AASDH: variants seen among roughly 807,000 people sequenced by gnomAD.
The protein encoded by AASDH is aminoadipate-semialdehyde dehydrogenase.
In AASDH, 81 loss-of-function variants were observed where a neutral mutation model predicts 102.3. That is an observed-to-expected ratio of 0.79 (90% CI 0.66 to 0.95). The LOEUF (loss-of-function observed/expected upper bound fraction) is 0.95. Ranked by LOEUF, AASDH falls within the 40% of genes least tolerant of loss-of-function variation. AASDH has a pLI of 0.00. For missense variants in AASDH, 1,203 were observed against 1,266.2 expected, an observed-to-expected ratio of 0.95 and a Z score of 0.76; for synonymous variants, 398 against 454.0, an observed-to-expected ratio of 0.88 and a Z score of 1.57.
rs1430994067 is a variant in AASDH at position 56,386,290 on chromosome 4, C to T, written c.-43+1072G>A. 1.3e-5 allele frequency among the ~76,000 whole-genome samples: 2 copies of T among 152,266 alleles called. 1 individual carries two copies. The highest frequency in any genetic ancestry group is 4.1e-4 in the South Asian group (2 of 4,822). On this transcript the variant is annotated intron_variant, in intron 1 of 14. Coordinates refer to ENST00000205214, the MANE Select transcript of AASDH (RefSeq NM_181806.4). ...TAAATTATGAGGAATGAGTTCATTT[C>T]GCAACATACAGGTAGCGCAGAAGGG...
chr4:56,368,904 C>CA lies in AASDH; in HGVS notation c.861+2546dup, dbSNP rs201200751. 1.2e-3 allele frequency among the ~76,000 whole-genome samples: 172 copies of CA among 143,518 alleles called. 1 individual carries two copies. In the East Asian group the frequency reaches 0.025, roughly 20 times the overall value. 94.2% of individuals were successfully genotyped at this position (143,518 alleles called of 152,430 possible). The stretch of plus-strand genomic sequence containing the variant: ...ACAAATGTAAATATAAACTCCCTCC[C>CA]AAAAAAAAAAGAAAAAGAAAAGATG... On this transcript the variant is annotated intron_variant, in intron 5 of 14. Coordinates refer to ENST00000205214, the MANE Select transcript of AASDH (RefSeq NM_181806.4).
intron 11 of AASDH, chr4:56,348,954 T>C: frequency 2.7e-6 from 1 of 375,868 alleles, no homozygotes; most frequent in East Asian, 4.8e-5. Flanking sequence ...TTGTTGAGTT[T>C]TGGGGTATTT....
intron 5 of AASDH, among the ~76,000 whole-genome samples, chr4:56,365,577 G>T (rs910759705): frequency 1.3e-5 from 2 of 151,606 alleles, no homozygotes; most frequent in Admixed American, 1.3e-4. Context: ...ACTCAAAACC[G>T]CTCAACTACA....
In AASDH at chr4:56,371,617, T is replaced by C. The variant is rs780108595; in HGVS notation, c.695A>G (p.Asp232Gly). 2.5e-6 allele frequency: 4 copies of C among 1,605,178 alleles called. No homozygotes were observed. The highest frequency in any genetic ancestry group is 3.4e-6 in the Non-Finnish European group (4 of 1,178,308). ...FRVLFDITQE[D>G]VLFLASPLTF... Reference sequence around the variant, plus strand: ...CAGAGGTGAAGCCAGAAACAAAACATCTTCTTGTGTGATGTCAAAAAGTAC... The same window carrying C: ...CAGAGGTGAAGCCAGAAACAAAACACCTTCTTGTGTGATGTCAAAAAGTAC... Residue 232 changes from aspartate (D) to glycine (G), a missense_variant, in exon 5 of 15, where the codon GAT becomes GGT. Asp to Gly is a moderately conservative substitution (Grantham distance 94, BLOSUM62 -1). Transcript: ENST00000205214.
Position 56,343,049 on chromosome 4 carries a change from C to T in AASDH, c.2776-83G>A, listed in dbSNP as rs1747892493. On this transcript the variant is annotated intron_variant, in intron 13 of 14. Coordinates refer to ENST00000205214, the MANE Select transcript of AASDH (RefSeq NM_181806.4). ...TTTAAAAAACAAACTCATACATCTC[C>T]TAGGGTTAGAACTAAAATAGCAGAA... is the stretch of plus-strand genomic sequence containing the variant. The T allele has an allele frequency of 2.3e-6, 3 of 1,306,090 alleles. No individual in the cohort carries two copies. In the African/African-American group the frequency reaches 4.5e-5, roughly 20 times the overall value. 80.9% of individuals were successfully genotyped at this position (1,306,090 alleles called of 1,614,324 possible). A position where few individuals can be genotyped will look rare whatever the true frequency, so the allele number is the denominator to read the frequency against.
At position 56,378,260 on chromosome 4, in the gene AASDH, G is replaced by A. The variant is rs775932146; in HGVS notation, c.556C>T (p.Leu186=). ...TAGGCTAAGCAATGCTTTAGCCTCA[G>A]ATCCATGTGTTCTTCTGCTTTTTCT... ...NEEKAEEHMD[L]RLKHCLAYVL... is the part of the protein sequence containing the mutation. Residue 186 remains leucine, a synonymous_variant, in exon 4 of 15, where the codon CTG becomes TTG. Coordinates refer to ENST00000205214, the MANE Select transcript of AASDH (RefSeq NM_181806.4). 6.2e-7 allele frequency: 1 copy of A among 1,614,076 alleles called. No homozygotes were observed. The highest frequency in any genetic ancestry group is 1.1e-5 in the South Asian group (1 of 91,086).
intron 4 of AASDH, among the ~76,000 whole-genome samples, chr4:56,372,502 A>C (rs375673999): frequency 5.3e-5 from 8 of 152,342 alleles, no homozygotes; most frequent in African/African-American, 1.9e-4. Context: ...ATATGTGGTT[A>C]GGCTCTTATA....
At chr4:56,374,731 C>CT (rs1433322873) in intron 4 of AASDH, among the ~76,000 whole-genome samples, 1 of 152,058 alleles carries the variant, frequency 6.6e-6, no homozygotes, top group East Asian at 1.9e-4. Flanking sequence ...CAGGAATAAA[C>CT]TTTTTTTCTT....
chr4:56,343,648 T>C lies in AASDH; in HGVS notation c.2689A>G (p.Thr897Ala). 1 of 1,609,864 alleles carries C rather than the reference T, an allele frequency of 6.2e-7. No homozygotes were observed. The highest frequency in any genetic ancestry group is 8.5e-7 in the Non-Finnish European group (1 of 1,177,906). Residue 897 changes from threonine to alanine, a missense_variant, in exon 13 of 15, where the codon ACT becomes GCT. Thr to Ala is a moderately conservative substitution (Grantham distance 58, BLOSUM62 0). Coordinates refer to ENST00000205214, the MANE Select transcript of AASDH (RefSeq NM_181806.4). Reference protein sequence around the residue: ...KCVWKSKCGGTVFSSPCLNLI... With the variant: ...KCVWKSKCGGAVFSSPCLNLI... ...TTCAAACACGGAGAGGAAAAGACAGTTCCTCCACATTTTGACTTCCAAACA... is the reference window on the plus strand; with the variant it reads ...TTCAAACACGGAGAGGAAAAGACAGCTCCTCCACATTTTGACTTCCAAACA...
chr4:56,384,585 C>T (rs1241801934), intron 1 of AASDH, among the ~76,000 whole-genome samples: 1 of 152,100 alleles, frequency 6.6e-6, no homozygotes, highest in African/African-American at 2.4e-5. Flanking sequence ...CAGTGGTATA[C>T]ACAGATGAAA....
chr4:56,372,434 A>G (rs1223429922), intron 4 of AASDH, among the ~76,000 whole-genome samples: 2 of 152,000 alleles, frequency 1.3e-5, no homozygotes, highest in African/African-American at 2.4e-5. Context: ...GAGACTTCCG[A>G]CTCCCCTTTC....
intron 1 of AASDH, among the ~76,000 whole-genome samples, chr4:56,386,404 G>A (rs1203692067): frequency 2.6e-5 from 4 of 152,098 alleles, no homozygotes; most frequent in Admixed American, 6.5e-5. Flanking sequence ...CATTCTTCTT[G>A]TCTCAGGTTT....
chr4:56,343,828 T>C lies in AASDH; in HGVS notation c.2653-144A>G, dbSNP rs1346868567. On this transcript the variant is annotated intron_variant, in intron 12 of 14. Coordinates refer to ENST00000205214, the MANE Select transcript of AASDH (RefSeq NM_181806.4). ...ACATGCCTACTGTGGAGAATCAGAT[T>C]AGTATAAAGACAAAGGACACTACCC... 12 of 810,886 alleles carry C rather than the reference T, an allele frequency of 1.5e-5. No individual in the cohort carries two copies. The African/African-American group carries it at 2.1e-4, about 14-fold the overall frequency. 50.2% of individuals were successfully genotyped at this position (810,886 alleles called of 1,614,324 possible). A position where few individuals can be genotyped will look rare whatever the true frequency, so the allele number is the denominator to read the frequency against.
intron 1 of AASDH, among the ~76,000 whole-genome samples, chr4:56,386,806 A>AAAAAAC (rs1753613807): frequency 6.9e-6 from 1 of 144,848 alleles, no homozygotes; most frequent in Non-Finnish European, 1.5e-5. Flanking sequence ...TCTCAAAAAA[A>AAAAAAC]AAAAAAAAAA....
rs373194783 is a variant in AASDH, at chr4:56,371,586, G to A, written c.726C>T (p.Phe242=). Residue 242 remains phenylalanine (F), a synonymous_variant, in exon 5 of 15, where the codon TTC becomes TTT. Transcript: ENST00000205214. ...GAAATATTTCCACAACAGAAGGATC[G>A]AAGGTCAGAGGTGAAGCCAGAAACA... ...DVLFLASPLT[F]DPSVVEIFLA... is the part of the protein sequence containing the mutation. The A allele has an allele frequency of 6.2e-6, 10 of 1,613,048 alleles. No individual in the cohort carries two copies. Among genetic ancestry groups the A allele is most frequent in the African/African-American group, 4.0e-5 (3 of 74,878 alleles).
Position 56,338,649 on chromosome 4 carries a change from G to A in AASDH, c.3050C>T (p.Thr1017Ile), listed in dbSNP as rs1280049499. Reference sequence around the variant, plus strand: ...AAACGGTGTTGCATAGACCCTTGAAGTAGTTTCAAATTTCCACTGCAGGTG... The same window carrying A: ...AAACGGTGTTGCATAGACCCTTGAAATAGTTTCAAATTTCCACTGCAGGTG... Reference protein sequence around the residue: ...KGHLQWKFETTSRVYATPFAF... With the variant: ...KGHLQWKFETISRVYATPFAF... Residue 1017 changes from threonine to isoleucine, a missense_variant, in exon 15 of 15, where the codon ACT (threonine) becomes ATT (isoleucine). By Grantham distance (89) the Thr-to-Ile change is moderately conservative. Coordinates refer to ENST00000205214, the MANE Select transcript of AASDH (RefSeq NM_181806.4). 6.2e-7 allele frequency: 1 copy of A among 1,614,066 alleles called. No individual in the cohort carries two copies. Among genetic ancestry groups the A allele is most frequent in the Non-Finnish European group, 8.5e-7 (1 of 1,180,046 alleles).
chr4:56,341,559 A>ATTTTTT (rs543126027), intron 14 of AASDH, among the ~76,000 whole-genome samples: 1 of 134,102 alleles, frequency 7.5e-6, no homozygotes, highest in African/African-American at 2.8e-5. Context: ...CACCCAGCTA[A>ATTTTTT]TTTTTTTTTT....
intron 11 of AASDH, among the ~76,000 whole-genome samples, chr4:56,347,776 C>T (rs141654580): frequency 8.3e-4 from 126 of 152,182 alleles, no homozygotes; most frequent in African/African-American, 3.0e-3. Flanking sequence ...GTGGCACGTC[C>T]CTAGCAATGC....
intron 1 of AASDH, among the ~76,000 whole-genome samples, chr4:56,385,641 A>C (rs910466694): frequency 2.0e-5 from 3 of 152,224 alleles, no homozygotes; most frequent in Admixed American, 6.5e-5. Flanking sequence ...TCTGTTCCCC[A>C]GGCTGGAATG....
Sources: gnomAD v4.1 joint callset for allele counts (sites outside exome capture counted in the v4.1 genomes callset) on GRCh38, gnomAD v4.1.1 for gene constraint, MANE v1.5 for transcripts, NCBI Gene and HGNC (gene_info 2026-07-23, HGNC 2026-07-21) for gene names.